The following FBN3 variants were observed in gnomAD, a reference collection of about 807,000 sequenced individuals.
FBN3 encodes the protein fibrillin 3.
A neutral mutation model predicts 330.1 loss-of-function variants in FBN3; 234 were observed. The ratio of observed to expected loss-of-function variants is 0.71; its 90% confidence interval spans 0.64 to 0.79. FBN3 has a LOEUF of 0.79. Ranked by LOEUF, FBN3 falls within the 30% of genes least tolerant of loss-of-function variation. The probability of loss-of-function intolerance (pLI) is 0.00; values close to 1 mark genes in which losing one functional copy is unlikely to be tolerated. For missense variants in FBN3, 3,606 were observed against 3,886.9 expected (o/e 0.93, Z 1.92); for synonymous variants, 1,458 against 1,517.3 (o/e 0.96, Z 0.91).
rs1214838504 is a variant in FBN3, at chr19:8,112,041, G to A, written c.3897C>T (p.Asn1299=). 2.5e-6 allele frequency: 4 copies of A among 1,613,212 alleles called. No homozygotes were observed. In the South Asian group the frequency reaches 4.4e-5, roughly 18 times the overall value. Residue 1299 remains asparagine (N), a synonymous_variant, in exon 31 of 64, where the codon AAC becomes AAT. Transcript: ENST00000600128. ...ACCTACAGCTGAAACTCCCCGGGATGTTGAGACAGGAGGCGTGACTGTCAC... is the reference window on the plus strand; with the variant it reads ...ACCTACAGCTGAAACTCCCCGGGATATTGAGACAGGAGGCGTGACTGTCAC... The part of the protein sequence containing the change: ...HNCDSHASCL[N]IPGSFSCRCL...
chr19:8,103,549 T>C lies in FBN3; in HGVS notation c.4939+13A>G. 1.2e-6 allele frequency: 2 copies of C among 1,611,160 alleles called. No homozygotes were observed. Among genetic ancestry groups the C allele is most frequent in the Non-Finnish European group, 8.5e-7 (1 of 1,178,406 alleles). ...CTGTGACTGCCAGTTCCCTAGGTCA[T>C]CACGCTTCTTACCCATGCAGTTGTT... On this transcript the variant is annotated intron_variant, in intron 39 of 63. Coordinates refer to ENST00000600128, the MANE Select transcript of FBN3 (RefSeq NM_032447.5).
chr19:8,146,182 G>A lies in FBN3; in HGVS notation c.294C>T (p.Pro98=), dbSNP rs905602700. The A allele has an allele frequency of 2.5e-6, 4 of 1,602,900 alleles. No individual in the cohort carries two copies. In the African/African-American group the frequency reaches 4.0e-5, roughly 16 times the overall value. ...RACGEGFCSQ[P]NLCTCADGTL... ...TCCCATCCGCACAGGTGCACAGGTT[G>A]GGCTGGGAGCAGAAGCCTTCACCGC... is the stretch of plus-strand genomic sequence containing the variant. The change falls in exon 4 of 64, where the codon CCC becomes CCT. Residue 98 remains proline (P), a synonymous_variant. Coordinates refer to ENST00000600128, the MANE Select transcript of FBN3 (RefSeq NM_032447.5).
Position 8,085,360 on chromosome 19 carries a change from C to A in FBN3, c.7087+3G>T. ...TGGGGGTCCTGAGGGCATGGGCACC[C>A]ACCTCGGCCCTCAGCAGTGTAGCCT... On this transcript the variant is annotated splice_donor_region_variant and intron_variant, in intron 56 of 63. Coordinates refer to ENST00000600128, the MANE Select transcript of FBN3 (RefSeq NM_032447.5). The A allele has an allele frequency of 6.4e-7, 1 of 1,565,304 alleles. No individual in the cohort carries two copies. Among genetic ancestry groups the A allele is most frequent in the East Asian group, 2.3e-5 (1 of 42,632 alleles).
intron 38 of FBN3, among the ~76,000 whole-genome samples, chr19:8,104,686 G>A (rs577836567): frequency 2.0e-4 from 31 of 152,238 alleles, no homozygotes; most frequent in Middle Eastern, 3.4e-3. Context: ...CTCTAGTCCA[G>A]GGGTAGTAAG....
At chr19:8,080,849 T>A (rs1213812173) in intron 59 of FBN3, among the ~76,000 whole-genome samples, 154 bp downstream of exon 59, 1 of 152,150 alleles carries the variant, frequency 6.6e-6, no homozygotes, top group Non-Finnish European at 1.5e-5. Flanking sequence ...CTTGAACTCC[T>A]GACCTCAGAT....
intron 59 of FBN3, among the ~76,000 whole-genome samples, chr19:8,076,666 T>C (rs553289880): frequency 1.7e-4 from 26 of 152,166 alleles, no homozygotes; most frequent in African/African-American, 5.3e-4. Context: ...TACATACACA[T>C]ATATATATAT....
chr19:8,126,507 C>G lies in FBN3; in HGVS notation c.2515G>C (p.Gly839Arg). 2 of 1,613,302 alleles carry G rather than the reference C, an allele frequency of 1.2e-6. No individual in the cohort carries two copies. The highest frequency in any genetic ancestry group is 1.6e-4 in the Middle Eastern group (1 of 6,062). ...SLRSECCATL[G>R]AAWGSPCERC... ...TCGCAGGGGCTCCCCCAGGCTGCCC[C>G]GAGGGTGGCGCAGCACTCAGACCGC... The change falls in exon 20 of 64, where the codon GGG (glycine) becomes CGG (arginine). Residue 839 changes from glycine to arginine, a missense_variant. Physicochemically the swap from Gly to Arg is moderately radical, Grantham distance 125. Coordinates refer to ENST00000600128, the MANE Select transcript of FBN3 (RefSeq NM_032447.5).
At chr19:8,080,142 T>G (rs1036637930) in intron 59 of FBN3, among the ~76,000 whole-genome samples, 12 of 152,158 alleles carry the variant, frequency 7.9e-5, no homozygotes, top group African/African-American at 2.9e-4. Context: ...CAAACTTTAT[T>G]AACAAAAGCA....
intron 41 of FBN3, among the ~76,000 whole-genome samples, chr19:8,100,206 T>C (rs1036393106): frequency 1.3e-5 from 2 of 151,768 alleles, no homozygotes; most frequent in East Asian, 3.9e-4. Context: ...CTGAGGGGGA[T>C]GGGGAGTGAG....
At chr19:8,077,577 T>C (rs2081670036) in intron 59 of FBN3, among the ~76,000 whole-genome samples, 1 of 152,062 alleles carries the variant, frequency 6.6e-6, no homozygotes, top group South Asian at 2.1e-4. Flanking sequence ...AGGCAGAGGA[T>C]GCAGTGAGCC....
At chr19:8,126,219 G>T in intron 21 of FBN3, 78 bp downstream of exon 21, 1 of 1,480,944 alleles carries the variant, frequency 6.8e-7, no homozygotes, top group Non-Finnish European at 9.3e-7. Flanking sequence ...GGCCGGAGGT[G>T]GCACCCATGA....
chr19:8,081,398 G>C lies in FBN3; in HGVS notation c.7296C>G (p.Pro2432=), dbSNP rs1382225029. ...CATCCTCCTCCAGCAGGTAGCCTCG[G>C]GGACAGCTGCACAGGAAACTGCCCT... ...NTKGSFLCSC[P]RGYLLEEDGR... The change falls in exon 58 of 64, where the codon CCC becomes CCG. Residue 2432 remains proline, a synonymous_variant. Transcript: ENST00000600128. 6.2e-7 allele frequency: 1 copy of C among 1,612,034 alleles called. No individual in the cohort carries two copies. Among genetic ancestry groups the C allele is most frequent in the Non-Finnish European group, 8.5e-7 (1 of 1,178,960 alleles).
chr19:8,145,754 C>CTGGGCAG, intron 5 of FBN3, 89 bp downstream of exon 5: 2 of 959,784 alleles, frequency 2.1e-6, no homozygotes, highest in Non-Finnish European at 3.2e-6. Context: ...AGAAGGAACC[C>CTGGGCAG]TGGGCAGTGG....
chr19:8,065,604 G>A lies in FBN3; in HGVS notation c.*315C>T, dbSNP rs552894826. ...CCCCGCCAGGGCAAGCCACAGTGCA[G>A]TACAGAAGTGAAAGCCTGAGATTGG... On this transcript the variant is annotated 3_prime_UTR_variant, in exon 64 of 64. Transcript: ENST00000600128. 2.0e-4 allele frequency: 76 copies of A among 389,074 alleles called. No homozygotes were observed. The highest frequency in any genetic ancestry group is 7.1e-4 in the South Asian group (13 of 18,204). 24.1% of individuals were successfully genotyped at this position (389,074 alleles called of 1,614,324 possible).
At chr19:8,145,960 G>T in intron 4 of FBN3, 22 bp from the exon 5 acceptor site, 1 of 1,543,636 alleles carries the variant, frequency 6.5e-7, no homozygotes, top group Non-Finnish European at 8.8e-7. Context: ...AAGGCAGGAC[G>T]CATAGTAATG....
At chr19:8,134,270 A>G (rs1196641527) in intron 13 of FBN3, among the ~76,000 whole-genome samples, 1 of 152,112 alleles carries the variant, frequency 6.6e-6, no homozygotes, top group Admixed American at 6.6e-5. Context: ...AAATAAATAA[A>G]TGCATGAAAT....
Position 8,116,677 on chromosome 19 carries a change from C to T in FBN3, c.3709G>A (p.Val1237Ile). The change falls in exon 29 of 64, where the codon GTT (valine) becomes ATT (isoleucine). Residue 1237 changes from valine to isoleucine, a missense_variant. Transcript: ENST00000600128. ...CCCCACCGTCCCGGCTCCTCACCAA[C>T]ACATGTCCTCATGTCTGGCGTGGCC... ...FMATPDMRTC[V>I]DVDECDLNPH... 1 of 1,600,348 alleles carries T rather than the reference C, an allele frequency of 6.2e-7. No homozygotes were observed. The highest frequency in any genetic ancestry group is 1.1e-5 in the South Asian group (1 of 90,872).
chr19:8,133,281 T>C (rs1388687040), intron 13 of FBN3, among the ~76,000 whole-genome samples, 175 bp from the exon 14 acceptor site: 1 of 152,218 alleles, frequency 6.6e-6, no homozygotes, highest in Non-Finnish European at 1.5e-5. Flanking sequence ...CGCTGGGACG[T>C]TGAGTTCCCC....
chr19:8,100,303 C>T (rs1019798501), intron 41 of FBN3, among the ~76,000 whole-genome samples: 3 of 151,940 alleles, frequency 2.0e-5, no homozygotes, highest in Non-Finnish European at 4.4e-5. Context: ...GTACTTAATG[C>T]CACTGAACTG....
Sources: gnomAD v4.1 joint callset for allele counts (sites outside exome capture counted in the v4.1 genomes callset) on GRCh38, gnomAD v4.1.1 for gene constraint, MANE v1.5 for transcripts, NCBI Gene and HGNC (gene_info 2026-07-23, HGNC 2026-07-21) for gene names.